PAN3: variants seen among roughly 807,000 people sequenced by gnomAD.
PAN3 encodes PAN2-PAN3 deadenylation complex subunit PAN3.
PAN3 carries 19 observed loss-of-function variants against 96.2 expected under a neutral mutation model. The observed-to-expected ratio is 0.20, with a 90% CI of 0.14 to 0.29. The LOEUF (loss-of-function observed/expected upper bound fraction) is 0.29. Among genes scored for constraint, PAN3 ranks in the 10% least tolerant of loss-of-function variants. PAN3 has a pLI of 1.00. For missense variants in PAN3, 882 were observed against 1,108.1 expected (o/e 0.80, Z 2.90); for synonymous variants, 433 against 406.6 (o/e 1.06, Z -0.78).
chr13:28,234,393 A>C (rs1882885155), intron 6 of PAN3, among the ~76,000 whole-genome samples: 1 of 152,144 alleles, frequency 6.6e-6, no homozygotes, highest in Non-Finnish European at 1.5e-5. Context: ...TATTATGAAA[A>C]ATTAAAATTT....
intron 1 of PAN3, among the ~76,000 whole-genome samples, chr13:28,155,478 C>T (rs1017972535): frequency 2.6e-5 from 4 of 151,936 alleles, no homozygotes; most frequent in African/African-American, 9.7e-5. Flanking sequence ...TATTCTCAGC[C>T]ACTGGGAGGC....
At chr13:28,279,858 G>C (rs151112899) in intron 15 of PAN3, among the ~76,000 whole-genome samples, 1 of 151,646 alleles carries the variant, frequency 6.6e-6, no homozygotes, top group Admixed American at 6.6e-5. Flanking sequence ...GGAGTGCAGT[G>C]GTGCCATCTC....
intron 1 of PAN3, among the ~76,000 whole-genome samples, chr13:28,154,788 A>T (rs963186532): frequency 9.8e-5 from 14 of 142,392 alleles, no homozygotes; most frequent in African/African-American, 3.4e-4. Flanking sequence ...GAGCCACCAC[A>T]CTCGGCCTGA....
chr13:28,277,122 C>A, intron 14 of PAN3, 115 bp from the exon 15 acceptor site: 2 of 1,043,028 alleles, frequency 1.9e-6, no homozygotes, highest in Non-Finnish European at 1.4e-6. Flanking sequence ...TATTTGAGGA[C>A]CCTGCCTGCA....
Position 28,280,555 on chromosome 13 carries a change from ATTTTTTTTTTTTT to A in PAN3, c.2319+26_2319+38del. 1 of 1,150,218 alleles carries A rather than the reference ATTTTTTTTTTTTT, an allele frequency of 8.7e-7. No individual in the cohort carries two copies. 71.3% of individuals were successfully genotyped at this position (1,150,218 alleles called of 1,614,324 possible). A position where few individuals can be genotyped will look rare whatever the true frequency, so the allele number is the denominator to read the frequency against. On this transcript the variant is annotated intron_variant, in intron 16 of 18. Transcript: ENST00000380958. The stretch of plus-strand genomic sequence containing the variant: ...GACCTTGCAAAGGTAAAGAGTGTAA[ATTTTTTTTTTTTT>A]TTTTTTTTTTTGAGACAGAGTCTTG...
chr13:28,168,025 C>T (rs1210021637), intron 1 of PAN3, among the ~76,000 whole-genome samples: 1 of 152,188 alleles, frequency 6.6e-6, no homozygotes, highest in Admixed American at 6.5e-5. Flanking sequence ...TAATGCCATT[C>T]ATGAGGACTC....
At chr13:28,151,738 T>C (rs1871389109) in intron 1 of PAN3, among the ~76,000 whole-genome samples, 1 of 152,058 alleles carries the variant, frequency 6.6e-6, no homozygotes, top group African/African-American at 2.4e-5. Context: ...TTCAAGAGTG[T>C]GGAAGGTTAT....
At chr13:28,283,360 C>T (rs1249238009) in intron 17 of PAN3, among the ~76,000 whole-genome samples, 1 of 152,080 alleles carries the variant, frequency 6.6e-6, no homozygotes, top group African/African-American at 2.4e-5. Flanking sequence ...GGAAATTATT[C>T]TTATTAATTA....
chr13:28,237,758 A>G (rs1226353695), intron 6 of PAN3, among the ~76,000 whole-genome samples: 2 of 152,314 alleles, frequency 1.3e-5, no homozygotes, highest in East Asian at 3.9e-4. Flanking sequence ...CATGAAAATC[A>G]TGAATTCCAT....
At chr13:28,187,859 A>G (rs1876693224) in intron 4 of PAN3, among the ~76,000 whole-genome samples, 1 of 152,076 alleles carries the variant, frequency 6.6e-6, no homozygotes, top group Admixed American at 6.5e-5. Flanking sequence ...ATGCCCAGCT[A>G]ATTTTTTAAA....
intron 1 of PAN3, among the ~76,000 whole-genome samples, chr13:28,164,073 A>T (rs1461102164): frequency 6.6e-6 from 1 of 152,192 alleles, no homozygotes; most frequent in Non-Finnish European, 1.5e-5. Flanking sequence ...AGCCTGGGCA[A>T]CAGAGCTGTC....
intron 5 of PAN3, among the ~76,000 whole-genome samples, chr13:28,209,795 T>C (rs375872147): frequency 6.6e-6 from 1 of 152,092 alleles, no homozygotes; most frequent in African/African-American, 2.4e-5. Context: ...TTTCCCCTTC[T>C]CCTTCCCTTT....
chr13:28,195,835 T>G (rs1466382374), intron 4 of PAN3, among the ~76,000 whole-genome samples: 2 of 151,904 alleles, frequency 1.3e-5, no homozygotes, highest in Non-Finnish European at 2.9e-5. Context: ...GCACCCAGCC[T>G]TGTCCTCTTT....
In PAN3 at chr13:28,280,724, G is replaced by A. The variant is rs141239511; in HGVS notation, c.2319+183G>A. Among the ~76,000 whole-genome samples the A allele has an allele frequency of 5.3e-5, 8 of 151,814 alleles. No homozygotes were observed. The East Asian group carries it at 1.2e-3, about 22-fold the overall frequency. On this transcript the variant is annotated intron_variant, in intron 16 of 18. Transcript: ENST00000380958. ...TTACAGGTGTACGCCACCACACCCCGCTATTTTTGTATTGTTAGTAGAGAC... is the reference window on the plus strand; with the variant it reads ...TTACAGGTGTACGCCACCACACCCCACTATTTTTGTATTGTTAGTAGAGAC...
In PAN3 at chr13:28,280,555, A is replaced by T. The variant is rs868464655; in HGVS notation, c.2319+14A>T. The T allele has an allele frequency of 5.2e-4, 597 of 1,150,714 alleles. 2 individuals carry two copies. The Middle Eastern group carries it at 5.9e-3, about 11-fold the overall frequency. The allele number at this position is 1,150,714 out of a possible 1,614,324, so 71.3% of individuals were successfully genotyped here. A position where few individuals can be genotyped will look rare whatever the true frequency, so the allele number is the denominator to read the frequency against. On this transcript the variant is annotated intron_variant, in intron 16 of 18. Transcript: ENST00000380958. ...GACCTTGCAAAGGTAAAGAGTGTAA[A>T]TTTTTTTTTTTTTTTTTTTTTTTTG...
chr13:28,164,960 C>T (rs752314365), intron 1 of PAN3, among the ~76,000 whole-genome samples: 4 of 152,152 alleles, frequency 2.6e-5, no homozygotes, highest in Non-Finnish European at 4.4e-5. Context: ...CAGGCTGGAG[C>T]GCAGTGGCGC....
At chr13:28,246,072 G>A (rs1566223463) in intron 6 of PAN3, among the ~76,000 whole-genome samples, 1 of 152,124 alleles carries the variant, frequency 6.6e-6, no homozygotes, top group African/African-American at 2.4e-5. Context: ...TAGGGTCATA[G>A]CAATTGATTA....
chr13:28,206,738 G>GTTT (rs200990694), intron 5 of PAN3, among the ~76,000 whole-genome samples: 7 of 143,610 alleles, frequency 4.9e-5, no homozygotes, highest in African/African-American at 1.0e-4. Flanking sequence ...TTATTAGTGG[G>GTTT]TTTTTTTTTT....
intron 4 of PAN3, among the ~76,000 whole-genome samples, chr13:28,193,336 GTT>G (rs1566174317): frequency 6.6e-6 from 1 of 152,176 alleles, no homozygotes; most frequent in African/African-American, 2.4e-5. Context: ...CTAGTTAAGG[GTT>G]TTAGGGCATG....
Sources: gnomAD v4.1 joint callset for allele counts (sites outside exome capture counted in the v4.1 genomes callset) on GRCh38, gnomAD v4.1.1 for gene constraint, MANE v1.5 for transcripts, NCBI Gene and HGNC (gene_info 2026-07-23, HGNC 2026-07-21) for gene names.